Variants in TRPC7 observed in about 807,000 individuals in gnomAD.
The protein encoded by TRPC7 is short transient receptor potential channel 7.
Under a neutral mutation model 90.1 loss-of-function variants are expected in TRPC7, and 42 were observed. The observed-to-expected ratio is 0.47, with a 90% CI of 0.36 to 0.60. TRPC7 has a LOEUF of 0.60. Among genes scored for constraint, TRPC7 ranks in the 20% least tolerant of loss-of-function variants. TRPC7 has a pLI of 0.00. For synonymous variants in TRPC7, 451 were observed against 436.3 expected (o/e 1.03, Z -0.42); for missense variants, 955 against 1,112.3 (o/e 0.86, Z 2.01).
chr5:136,273,425 G>A (rs1211260090), intron 4 of TRPC7, among the ~76,000 whole-genome samples: 2 of 152,204 alleles, frequency 1.3e-5, no homozygotes, highest in South Asian at 2.1e-4. Context: ...CTCAATAGAT[G>A]TAAGGTTGAA....
chr5:136,359,884 G>T (rs748813323), intron 1 of TRPC7, among the ~76,000 whole-genome samples: 3 of 152,092 alleles, frequency 2.0e-5, no homozygotes, highest in African/African-American at 4.8e-5. Flanking sequence ...ACTTCTCTCA[G>T]AAACACTTTT....
At chr5:136,310,045 C>G (rs928485788) in intron 3 of TRPC7, among the ~76,000 whole-genome samples, 3 of 152,156 alleles carry the variant, frequency 2.0e-5, no homozygotes, top group Non-Finnish European at 2.9e-5. Context: ...ATCTACCAGG[C>G]TCACATGGTC....
rs1475357768 is a variant in TRPC7 at position 136,315,665 on chromosome 5, C to A, written c.895G>T (p.Val299Phe). 6.2e-7 allele frequency: 1 copy of A among 1,613,922 alleles called. No individual in the cohort carries two copies. The highest frequency in any genetic ancestry group is 1.1e-5 in the South Asian group (1 of 91,074). ...AILNGDVNFQ[V>F]WSDHHRPSLS... ...CTTGGACGGTGGTGGTCGGACCAGA[C>A]TTGGAAGTTCACATCACCGTTTAAA... is the stretch of plus-strand genomic sequence containing the variant. Residue 299 changes from valine (V) to phenylalanine (F), a missense_variant, in exon 3 of 12, where the codon GTC becomes TTC. Physicochemically the swap from Val to Phe is conservative, Grantham distance 50. Coordinates refer to ENST00000513104, the MANE Select transcript of TRPC7 (RefSeq NM_020389.3).
chr5:136,260,377 T>C (rs965049501), intron 5 of TRPC7, among the ~76,000 whole-genome samples: 1 of 151,180 alleles, frequency 6.6e-6, no homozygotes, highest in African/African-American at 2.4e-5. Flanking sequence ...GACTTGCAAA[T>C]TTAAATAGCT....
chr5:136,246,213 C>T (rs1756331725), intron 7 of TRPC7, among the ~76,000 whole-genome samples: 2 of 152,232 alleles, frequency 1.3e-5, no homozygotes, highest in African/African-American at 4.8e-5. Context: ...TCCTGCCTCT[C>T]TCACATGGGC....
intron 7 of TRPC7, among the ~76,000 whole-genome samples, chr5:136,238,835 A>G (rs956754834): frequency 6.6e-6 from 1 of 152,252 alleles, no homozygotes; most frequent in Non-Finnish European, 1.5e-5. Context: ...GAATGTATCC[A>G]TAAACATTTT....
intron 5 of TRPC7, 126 bp from the exon 6 acceptor site, chr5:136,252,008 G>C: frequency 1.4e-6 from 1 of 717,142 alleles, no homozygotes; most frequent in East Asian, 2.7e-5. Flanking sequence ...ACCGTCGATA[G>C]CCAGAGGCAG....
intron 2 of TRPC7, among the ~76,000 whole-genome samples, chr5:136,322,457 C>T (rs1048587936): frequency 2.4e-4 from 36 of 152,282 alleles, no homozygotes; most frequent in Middle Eastern, 3.4e-3. Context: ...AAGGTTCTAC[C>T]ATTTTATATT....
At chr5:136,290,491 A>G (rs1377102573) in intron 3 of TRPC7, among the ~76,000 whole-genome samples, 3 of 152,240 alleles carry the variant, frequency 2.0e-5, no homozygotes, top group Admixed American at 2.0e-4. Context: ...CTATGTGACA[A>G]ATGCGCAAGC....
intron 7 of TRPC7, among the ~76,000 whole-genome samples, chr5:136,243,668 CTT>C (rs1180866228): frequency 6.4e-5 from 9 of 140,804 alleles, no homozygotes; most frequent in South Asian, 2.3e-4. Flanking sequence ...TCTCACATGG[CTT>C]TTTTTTTTTT....
intron 3 of TRPC7, among the ~76,000 whole-genome samples, chr5:136,312,972 CTTTTTTTTTTT>C (rs34840823): frequency 4.1e-5 from 4 of 97,058 alleles, no homozygotes; most frequent in African/African-American, 1.2e-4. Context: ...AGTAGTGATT[CTTTTTTTTTTT>C]TTTTTTTTTT....
In TRPC7 at chr5:136,249,762, T is replaced by C. The variant is rs114621110; in HGVS notation, c.1579+1887A>G. ...CAAAGGGGTTTTCTCCTTAGAGCTA[T>C]TTCCAAGAGAAAAATTGCCCTATCA... On this transcript the variant is annotated intron_variant, in intron 6 of 11. Coordinates refer to ENST00000513104, the MANE Select transcript of TRPC7 (RefSeq NM_020389.3). Among the ~76,000 whole-genome samples, 380 of 152,338 alleles carry C rather than the reference T, an allele frequency of 2.5e-3. 1 individual carries two copies. Among genetic ancestry groups the C allele is most frequent in the African/African-American group, 8.5e-3 (353 of 41,572 alleles).
chr5:136,341,273 G>T (rs1373941325), intron 2 of TRPC7, among the ~76,000 whole-genome samples: 1 of 152,038 alleles, frequency 6.6e-6, no homozygotes, highest in East Asian at 1.9e-4. Flanking sequence ...CATCTATCTT[G>T]TGGAACACTA....
chr5:136,224,285 C>T (rs1305510582), intron 10 of TRPC7, among the ~76,000 whole-genome samples: 2 of 152,172 alleles, frequency 1.3e-5, no homozygotes, highest in African/African-American at 4.8e-5. Context: ...CTGTAGCTAT[C>T]GTTTATCACT....
In TRPC7 at chr5:136,365,269, G is replaced by T. The variant is rs1386826567; in HGVS notation, c.-15C>A. On this transcript the variant is annotated 5_prime_UTR_variant, in exon 1 of 12. Transcript: ENST00000513104. ...GCTGCTTACATTGAGGGTGTAATAC[G>T]CAGGCTTGTTCCTCCTCTAGATGAC... is the stretch of plus-strand genomic sequence containing the variant. The T allele has an allele frequency of 1.7e-5, 26 of 1,537,068 alleles. No homozygotes were observed. Among genetic ancestry groups the T allele is most frequent in the Non-Finnish European group, 2.3e-5 (26 of 1,146,842 alleles).
At chr5:136,251,270 G>A (rs1244397112) in intron 6 of TRPC7, among the ~76,000 whole-genome samples, 1 of 152,012 alleles carries the variant, frequency 6.6e-6, no homozygotes, top group Non-Finnish European at 1.5e-5. Context: ...AATATAGAAG[G>A]AAAATTCTTC....
At chr5:136,327,575 A>G (rs974774289) in intron 2 of TRPC7, among the ~76,000 whole-genome samples, 2 of 152,172 alleles carry the variant, frequency 1.3e-5, no homozygotes, top group African/African-American at 4.8e-5. Context: ...GGAGATGAAA[A>G]GGAAGGTATG....
At chr5:136,250,312 C>G (rs891124240) in intron 6 of TRPC7, among the ~76,000 whole-genome samples, 11 of 152,218 alleles carry the variant, frequency 7.2e-5, no homozygotes, top group Admixed American at 7.2e-4. Flanking sequence ...AAGCGAACAA[C>G]CCTCTGCAGA....
In TRPC7 at chr5:136,237,416, C is replaced by T. The variant is rs147184092; in HGVS notation, c.1845-5867G>A. Reference sequence around the variant, plus strand: ...TCTTCATCTTCGAAACTGCAAACCTCATCAGAACCTGGTACACAGGAGGCA... The same window carrying T: ...TCTTCATCTTCGAAACTGCAAACCTTATCAGAACCTGGTACACAGGAGGCA... On this transcript the variant is annotated intron_variant, in intron 7 of 11. Coordinates refer to ENST00000513104, the MANE Select transcript of TRPC7 (RefSeq NM_020389.3). 7.9e-4 allele frequency among the ~76,000 whole-genome samples: 120 copies of T among 152,334 alleles called. 1 individual carries two copies. Among genetic ancestry groups the T allele is most frequent in the African/African-American group, 2.7e-3 (114 of 41,584 alleles).
Sources: allele counts gnomAD v4.1 joint callset (sites outside exome capture counted in the v4.1 genomes callset), GRCh38; gene constraint gnomAD v4.1.1; transcripts MANE v1.5; gene names NCBI Gene and HGNC (gene_info 2026-07-23, HGNC 2026-07-21).